Variants in CLEC16A observed in about 807,000 individuals in gnomAD.
The protein encoded by CLEC16A is protein CLEC16A.
CLEC16A carries 51 observed loss-of-function variants against 109.5 expected under a neutral mutation model. That is an observed-to-expected ratio of 0.47 (90% CI 0.37 to 0.59). The LOEUF is 0.59. CLEC16A is among the 20% of genes least tolerant of loss of function. The probability of loss-of-function intolerance (pLI) is 0.00; values close to 1 mark genes in which losing one functional copy is unlikely to be tolerated. For synonymous variants in CLEC16A, 673 were observed against 564.2 expected (o/e 1.19, Z -2.73); for missense variants, 1,339 against 1,394.0 (o/e 0.96, Z 0.63).
chr16:11,043,659 G>A (rs914885503), intron 15 of CLEC16A, among the ~76,000 whole-genome samples: 3 of 152,082 alleles, frequency 2.0e-5, no homozygotes, highest in East Asian at 1.9e-4. Context: ...GAGGTCAGGA[G>A]TTCGAGACCA....
chr16:10,966,096 G>T (rs2042488491), intron 3 of CLEC16A, among the ~76,000 whole-genome samples: 1 of 152,162 alleles, frequency 6.6e-6, no homozygotes, highest in Non-Finnish European at 1.5e-5. Flanking sequence ...AAAAAGAAGT[G>T]CTCTGGGTAT....
rs1199255081 is a variant in CLEC16A, at chr16:11,172,022, A to G, written c.2806+5470A>G. 2.0e-5 allele frequency among the ~76,000 whole-genome samples: 3 copies of G among 152,022 alleles called. No homozygotes were observed. In the East Asian group the frequency reaches 5.8e-4, roughly 29 times the overall value. On this transcript the variant is annotated intron_variant, in intron 23 of 23. Coordinates refer to ENST00000409790, the MANE Select transcript of CLEC16A (RefSeq NM_015226.3). The stretch of plus-strand genomic sequence containing the variant: ...GGCATACACACACTCACACTTACAA[A>G]TGTGCATGCATAGTCACACTCCCAC...
Position 10,986,731 on chromosome 16 carries a change from A to ATGTGTG in CLEC16A, c.1071+3766_1071+3771dup, listed in dbSNP as rs59931468. Among the ~76,000 whole-genome samples the ATGTGTG allele has an allele frequency of 4.3e-3, 642 of 150,224 alleles. 4 individuals are homozygous for ATGTGTG. The highest frequency in any genetic ancestry group is 7.9e-3 in the South Asian group (38 of 4,790). ...TCAGAATTTATTTCTTTAAGGCTCAATGTGTGTGTGTGTGTGTGTGTGTGT... is the reference window on the plus strand; with the variant it reads ...TCAGAATTTATTTCTTTAAGGCTCAATGTGTGTGTGTGTGTGTGTGTGTGTGTGTGT... On this transcript the variant is annotated intron_variant, in intron 10 of 23. Coordinates refer to ENST00000409790, the MANE Select transcript of CLEC16A (RefSeq NM_015226.3).
At chr16:11,110,471 C>T (rs762999201) in intron 19 of CLEC16A, among the ~76,000 whole-genome samples, 8 of 152,140 alleles carry the variant, frequency 5.3e-5, no homozygotes, top group Non-Finnish European at 5.9e-5. Flanking sequence ...CATGACCTTA[C>T]GGGAATTCTG....
At chr16:11,151,423 G>C (rs905994731) in intron 22 of CLEC16A, among the ~76,000 whole-genome samples, 1 of 152,208 alleles carries the variant, frequency 6.6e-6, no homozygotes, top group Non-Finnish European at 1.5e-5. Flanking sequence ...CTCCTGCCCA[G>C]TGCTCCAGGC....
chr16:11,047,438 C>T, intron 17 of CLEC16A, 96 bp downstream of exon 17: 2 of 832,868 alleles, frequency 2.4e-6, no homozygotes, highest in East Asian at 3.0e-5. Context: ...TGACTTAGGG[C>T]TTTGTGACCA....
intron 22 of CLEC16A, among the ~76,000 whole-genome samples, chr16:11,148,707 G>T (rs1477542323): frequency 6.6e-6 from 1 of 152,178 alleles, no homozygotes; most frequent in Non-Finnish European, 1.5e-5. Flanking sequence ...CCAGGCCAGT[G>T]CTCCATCCCC....
intron 19 of CLEC16A, among the ~76,000 whole-genome samples, chr16:11,091,749 C>A (rs554369409): frequency 2.6e-5 from 4 of 152,140 alleles, no homozygotes; most frequent in African/African-American, 9.7e-5. Context: ...ACACAGCAGG[C>A]CTCTGATAGG....
intron 22 of CLEC16A, chr16:11,157,138 A>T (rs2153085270): frequency 7.8e-7 from 1 of 1,283,020 alleles, no homozygotes; most frequent in East Asian, 5.6e-5. Context: ...GCTATAGGCT[A>T]AAAGACTCTG....
chr16:10,966,230 A>G (rs1033223024), intron 3 of CLEC16A, among the ~76,000 whole-genome samples: 2 of 152,212 alleles, frequency 1.3e-5, no homozygotes, highest in African/African-American at 4.8e-5. Context: ...GAAAGAAGGA[A>G]TGAACTACTA....
At chr16:11,136,026 C>A (rs546317513) in intron 22 of CLEC16A, 44 of 152,308 alleles carry the variant, frequency 2.9e-4, no homozygotes, top group African/African-American at 1.0e-3. Context: ...TCCTTTTTTT[C>A]ATTGTTTTTC....
At chr16:10,975,553 A>G (rs919297732) in intron 7 of CLEC16A, among the ~76,000 whole-genome samples, 1 of 152,230 alleles carries the variant, frequency 6.6e-6, no homozygotes, top group Non-Finnish European at 1.5e-5. Flanking sequence ...TTGTGCATAA[A>G]TGTTCTAGGT....
chr16:11,026,629 CTTATG>C (rs2046415577), intron 13 of CLEC16A, among the ~76,000 whole-genome samples: 1 of 117,418 alleles, frequency 8.5e-6, no homozygotes, highest in Non-Finnish European at 1.8e-5. Flanking sequence ...GATTTCTGTT[CTTATG>C]TTTGTTTGGG....
chr16:11,038,757 G>A (rs983192105), intron 13 of CLEC16A, among the ~76,000 whole-genome samples: 2 of 151,994 alleles, frequency 1.3e-5, no homozygotes, highest in Non-Finnish European at 2.9e-5. Context: ...TATTAGGTTG[G>A]CACAAAAGTA....
At chr16:10,986,189 C>A (rs931839919) in intron 10 of CLEC16A, among the ~76,000 whole-genome samples, 2 of 151,772 alleles carry the variant, frequency 1.3e-5, no homozygotes, top group African/African-American at 4.8e-5. Context: ...TGCCCCCACA[C>A]CCGGCTCATT....
chr16:11,079,673 G>A (rs753296994), intron 19 of CLEC16A, among the ~76,000 whole-genome samples: 2 of 152,026 alleles, frequency 1.3e-5, no homozygotes, highest in Admixed American at 6.6e-5. Context: ...ATGCAGTTGG[G>A]GTTTTCCAGA....
intron 11 of CLEC16A, among the ~76,000 whole-genome samples, chr16:11,012,594 CAAAAAAAAAAAAAA>C (rs551902895): frequency 1.2e-4 from 8 of 67,936 alleles, no homozygotes; most frequent in Non-Finnish European, 2.2e-4. Context: ...GACTCCGTCT[CAAAAAAAAAAAAAA>C]AAAAAAAAAA....
At chr16:11,075,404 G>C (rs2058534) in intron 19 of CLEC16A, among the ~76,000 whole-genome samples, 7,038 of 122,980 alleles carry the variant, frequency 0.057, 192 homozygotes, top group African/African-American at 0.076. Context: ...GTGTGTGTGT[G>C]TGTGTGTCTG....
intron 10 of CLEC16A, among the ~76,000 whole-genome samples, chr16:10,992,113 C>T (rs190719945): frequency 2.6e-5 from 4 of 152,270 alleles, no homozygotes; most frequent in Admixed American, 1.3e-4. Flanking sequence ...TCCAGATACG[C>T]ACGGGGACAA....
Sources: gnomAD v4.1 joint callset for allele counts (sites outside exome capture counted in the v4.1 genomes callset) on GRCh38, gnomAD v4.1.1 for gene constraint, MANE v1.5 for transcripts, NCBI Gene and HGNC (gene_info 2026-07-23, HGNC 2026-07-21) for gene names.